DTNA: variants seen among roughly 807,000 people sequenced by gnomAD.
DTNA encodes dystrobrevin alpha.
Under a neutral mutation model 100.7 loss-of-function variants are expected in DTNA, and 43 were observed. The observed-to-expected ratio is 0.43, with a 90% CI of 0.33 to 0.55. The LOEUF (loss-of-function observed/expected upper bound fraction) is 0.55, where lower values mean the gene tolerates loss of function less well. DTNA is among the 20% of genes least tolerant of loss of function. The probability of loss-of-function intolerance (pLI) is 0.04; values close to 1 mark genes in which losing one functional copy is unlikely to be tolerated. For synonymous variants in DTNA, 349 were observed against 347.9 expected, an observed-to-expected ratio of 1.00 and a Z score of -0.04; for missense variants, 798 against 953.9, an observed-to-expected ratio of 0.84 and a Z score of 2.15.
chr18:34,803,546 A>G (rs930356480), intron 4 of DTNA, among the ~76,000 whole-genome samples: 4 of 152,102 alleles, frequency 2.6e-5, no homozygotes, highest in African/African-American at 9.7e-5. Flanking sequence ...AAGGAACTGT[A>G]TTGCTCTTGA....
intron 1 of DTNA, among the ~76,000 whole-genome samples, chr18:34,652,693 C>G (rs545651346): frequency 2.2e-4 from 33 of 152,310 alleles, no homozygotes; most frequent in Non-Finnish European, 4.3e-4. Flanking sequence ...ATAATCTCTT[C>G]TAGTTTTCTT....
chr18:34,584,199 T>G (rs1567953239), intron 1 of DTNA, among the ~76,000 whole-genome samples: 1 of 152,062 alleles, frequency 6.6e-6, no homozygotes, highest in African/African-American at 2.4e-5. Context: ...CTCAGCTTTG[T>G]CTAATGGTTT....
At chr18:34,579,072 C>T (rs866324334) in intron 1 of DTNA, among the ~76,000 whole-genome samples, 7 of 151,784 alleles carry the variant, frequency 4.6e-5, no homozygotes, top group East Asian at 1.9e-4. Context: ...TTTTATTTTT[C>T]GTTGTTGTGT....
At position 34,732,490 on chromosome 18, in the gene DTNA, T is replaced by A. The variant is rs75972212; in HGVS notation, c.-2+22045T>A. On this transcript the variant is annotated intron_variant, in intron 1 of 22. Transcript: ENST00000444659. ...GAAGCCTGGGCTAAAGAAACAAATG[T>A]CAAACAGTAGCAAAGGATGCAACCT... is the stretch of plus-strand genomic sequence containing the variant. 1.8e-4 allele frequency among the ~76,000 whole-genome samples: 28 copies of A among 152,320 alleles called. No homozygotes were observed. In the East Asian group the frequency reaches 5.0e-3, roughly 27 times the overall value.
chr18:34,510,111 TG>T (rs10546647), intron 1 of DTNA, among the ~76,000 whole-genome samples: 151 of 148,224 alleles, frequency 1.0e-3, no homozygotes, highest in Admixed American at 2.8e-3. Flanking sequence ...TGGTTGTTGT[TG>T]TTTTTTTTTT....
chr18:34,685,090 A>G (rs1295348268), intron 1 of DTNA, among the ~76,000 whole-genome samples: 1 of 152,176 alleles, frequency 6.6e-6, no homozygotes, highest in Non-Finnish European at 1.5e-5. Context: ...CCCATTCTGT[A>G]GGTTGCCTGT....
chr18:34,583,546 A>G (rs2048835711), intron 1 of DTNA, among the ~76,000 whole-genome samples: 1 of 152,114 alleles, frequency 6.6e-6, no homozygotes, highest in South Asian at 2.1e-4. Flanking sequence ...CTCACTTTCT[A>G]AAGAAAACAG....
chr18:34,837,957 C>T (rs1479238898), intron 11 of DTNA, 137 bp from the exon 12 acceptor site: 1 of 842,836 alleles, frequency 1.2e-6, no homozygotes, highest in East Asian at 2.7e-5. Flanking sequence ...CTGAAAACAT[C>T]TTGAACATTT....
chr18:34,673,461 T>G (rs920086217), intron 1 of DTNA, among the ~76,000 whole-genome samples: 10 of 149,896 alleles, frequency 6.7e-5, no homozygotes, highest in Non-Finnish European at 1.3e-4. Context: ...ATCATCTCGA[T>G]AAGCAACTGT....
intron 3 of DTNA, among the ~76,000 whole-genome samples, chr18:34,770,198 C>T (rs2093696335): frequency 6.6e-6 from 1 of 152,172 alleles, no homozygotes; most frequent in Non-Finnish European, 1.5e-5. Context: ...ATAGTATTTA[C>T]TTCGTAGAAA....
rs1014329359 is a variant in DTNA, at chr18:34,750,497, A to G, written c.-1-5479A>G. Among the ~76,000 whole-genome samples the G allele has an allele frequency of 2.6e-4, 39 of 152,146 alleles. 1 individual carries two copies. On this transcript the variant is annotated intron_variant, in intron 1 of 22. Transcript: ENST00000444659. ...CCAATTTCAGAAAATCTTAATTTGC[A>G]TTGAACAGTAGCATCTGGAATAAGG...
At chr18:34,658,338 A>G (rs1396371884) in intron 1 of DTNA, among the ~76,000 whole-genome samples, 1 of 152,126 alleles carries the variant, frequency 6.6e-6, no homozygotes, top group Non-Finnish European at 1.5e-5. Context: ...TTTTGCTTTT[A>G]TAAAAATTCT....
intron 1 of DTNA, among the ~76,000 whole-genome samples, chr18:34,666,322 C>A (rs2075919433): frequency 6.6e-6 from 1 of 151,556 alleles, no homozygotes; most frequent in African/African-American, 2.4e-5. Flanking sequence ...TGGATATTAG[C>A]CCTTTGTCAG....
At chr18:34,647,822 C>G (rs1244280285) in intron 1 of DTNA, among the ~76,000 whole-genome samples, 1 of 152,198 alleles carries the variant, frequency 6.6e-6, no homozygotes, top group South Asian at 2.1e-4. Context: ...TTGGAACATG[C>G]CTCTCTGGCA....
intron 1 of DTNA, among the ~76,000 whole-genome samples, chr18:34,626,064 C>A (rs186351778): frequency 6.7e-4 from 102 of 152,252 alleles, no homozygotes; most frequent in Non-Finnish European, 1.0e-3. Flanking sequence ...CACGTGAAAG[C>A]AACTAGAAAG....
rs2045807992 is a variant in DTNA at position 34,554,467 on chromosome 18, A to G, written c.-2+60953A>G. ...TGTCTTGTGCCAGTTTTCAAAGGGA[A>G]TGCTTCCAGTTTTTGCCCATTTAGT... On this transcript the variant is annotated intron_variant, in intron 1 of 19. Transcript: ENST00000283365. 2.0e-5 allele frequency among the ~76,000 whole-genome samples: 3 copies of G among 149,996 alleles called. No individual in the cohort carries two copies. In the Middle Eastern group the frequency reaches 0.01, roughly 514 times the overall value.
intron 1 of DTNA, among the ~76,000 whole-genome samples, chr18:34,502,818 G>T (rs1460532146): frequency 6.6e-6 from 1 of 152,190 alleles, no homozygotes; most frequent in African/African-American, 2.4e-5. Context: ...CACTAGAAAA[G>T]AATGTATATT....
At chr18:34,707,711 C>T (rs2082292355), upstream of DTNA, among the ~76,000 whole-genome samples, 1 of 152,288 alleles carries the variant, frequency 6.6e-6, no homozygotes, top group East Asian at 1.9e-4. Context: ...AGTCTCTATT[C>T]AGCCAGCCAC....
At chr18:34,814,220 A>G (rs1399720037) in intron 6 of DTNA, among the ~76,000 whole-genome samples, 1 of 152,158 alleles carries the variant, frequency 6.6e-6, no homozygotes. Flanking sequence ...AAATGTAACT[A>G]CCTGTTGTAT....
Sources: gnomAD v4.1 joint callset for allele counts (sites outside exome capture counted in the v4.1 genomes callset) on GRCh38, gnomAD v4.1.1 for gene constraint, MANE v1.5 for transcripts, NCBI Gene and HGNC (gene_info 2026-07-23, HGNC 2026-07-21) for gene names.